Variants in LRIG1 observed in about 807,000 individuals in gnomAD.
LRIG1 encodes the protein leucine rich repeats and immunoglobulin like domains 1, also known as leucine-rich repeats and immunoglobulin-like domains protein 1.
A neutral mutation model predicts 99.2 loss-of-function variants in LRIG1; 48 were observed. The observed-to-expected ratio is 0.48, with a 90% confidence interval of 0.38 to 0.62. The LOEUF (loss-of-function observed/expected upper bound fraction) is 0.62. Ranked by LOEUF, LRIG1 falls within the 20% of genes least tolerant of loss-of-function variation. The probability of loss-of-function intolerance (pLI) is 0.00; values close to 1 mark genes in which losing one functional copy is unlikely to be tolerated. For synonymous variants in LRIG1, 772 were observed against 596.1 expected, an observed-to-expected ratio of 1.29 and a Z score of -4.30; for missense variants, 1,646 against 1,434.4, an observed-to-expected ratio of 1.15 and a Z score of -2.38.
At chr3:66,419,107 CA>C (rs1702717049) in intron 3 of LRIG1, among the ~76,000 whole-genome samples, 1 of 152,190 alleles carries the variant, frequency 6.6e-6, no homozygotes, top group Admixed American at 6.5e-5. Context: ...AATGTGGTAT[CA>C]GGGCGCCAGG....
intron 3 of LRIG1, among the ~76,000 whole-genome samples, chr3:66,446,469 G>C (rs189656520): frequency 1.4e-5 from 2 of 147,814 alleles, no homozygotes; most frequent in Admixed American, 1.4e-4. Flanking sequence ...GCAATGGTGC[G>C]ATCTTAGCTC....
chr3:66,380,496 G>A lies in LRIG1; in HGVS notation c.3056-7C>T, dbSNP rs1374752189. On this transcript the variant is annotated splice_region_variant and splice_polypyrimidine_tract_variant and intron_variant, in intron 18 of 18. Coordinates refer to ENST00000273261, the MANE Select transcript of LRIG1 (RefSeq NM_015541.3). ...AAAGTCCAGGAAGAATCCCCTACAA[G>A]GAAAGAACGAACCTGTCAGACCCCC... The A allele has an allele frequency of 6.2e-7, 1 of 1,614,156 alleles. No individual in the cohort carries two copies. Among genetic ancestry groups the A allele is most frequent in the Non-Finnish European group, 8.5e-7 (1 of 1,179,986 alleles).
At chr3:66,463,044 G>A (rs1007668255) in intron 1 of LRIG1, among the ~76,000 whole-genome samples, 3 of 152,148 alleles carry the variant, frequency 2.0e-5, no homozygotes, top group Non-Finnish European at 2.9e-5. Context: ...GCAGGGAGTG[G>A]GGGGTGTTAC....
chr3:66,460,089 C>T (rs1332457308), intron 2 of LRIG1, among the ~76,000 whole-genome samples: 1 of 151,972 alleles, frequency 6.6e-6, no homozygotes, highest in Non-Finnish European at 1.5e-5. Flanking sequence ...GTGTTGGGTG[C>T]CTCACTTGCC....
intron 1 of LRIG1, among the ~76,000 whole-genome samples, chr3:66,479,376 C>G (rs1205552938): frequency 6.6e-6 from 1 of 152,220 alleles, no homozygotes; most frequent in Non-Finnish European, 1.5e-5. Flanking sequence ...GCAAGGAAAA[C>G]CACTGCTCTT....
chr3:66,399,343 C>G (rs559928816), intron 9 of LRIG1, among the ~76,000 whole-genome samples: 2 of 152,326 alleles, frequency 1.3e-5, no homozygotes, highest in East Asian at 3.9e-4. Flanking sequence ...CAGAAATCAC[C>G]TTGTCTGGCC....
At chr3:66,382,890 T>C in intron 15 of LRIG1, 92 bp downstream of exon 15, 1 of 1,234,290 alleles carries the variant, frequency 8.1e-7, no homozygotes, top group Non-Finnish European at 1.1e-6. Flanking sequence ...CACAGTGCAA[T>C]TCTTTCAAAA....
chr3:66,383,337 G>C lies in LRIG1; in HGVS notation c.2136C>G (p.Leu712=). 2 of 1,596,512 alleles carry C rather than the reference G, an allele frequency of 1.3e-6. No individual in the cohort carries two copies. Among genetic ancestry groups the C allele is most frequent in the Non-Finnish European group, 8.6e-7 (1 of 1,167,066 alleles). ...RVVSVGETVA[L]QCKATGNPPP... ...GAGGGTTCCCCGTGGCTTTGCATTG[G>C]AGGGCCACTGTTTCTCCCACAGATA... Residue 712 remains leucine, a synonymous_variant, in exon 15 of 19, where the codon CTC becomes CTG. Coordinates refer to ENST00000273261, the MANE Select transcript of LRIG1 (RefSeq NM_015541.3).
chr3:66,406,260 C>G (rs1702265777), intron 8 of LRIG1: 1 of 985,282 alleles, frequency 1.0e-6, no homozygotes, highest in African/African-American at 1.7e-5. Context: ...TGGGTTCCTT[C>G]CTATCATCTG....
intron 8 of LRIG1, chr3:66,406,409 G>A (rs1702270688): frequency 1.0e-6 from 1 of 985,294 alleles, no homozygotes; most frequent in Non-Finnish European, 1.2e-6. Flanking sequence ...TGTTATTTGG[G>A]CCTTGTATGG....
chr3:66,402,242 G>T (rs996567066), intron 9 of LRIG1, among the ~76,000 whole-genome samples: 7 of 152,048 alleles, frequency 4.6e-5, no homozygotes, highest in African/African-American at 1.7e-4. Flanking sequence ...TCCCTCCCGC[G>T]TACTGACTCT....
chr3:66,442,976 A>G (rs73083564), intron 3 of LRIG1, among the ~76,000 whole-genome samples: 1 of 152,072 alleles, frequency 6.6e-6, no homozygotes, highest in Non-Finnish European at 1.5e-5. Flanking sequence ...GAAAGGAGAA[A>G]AAAGGAAAGA....
chr3:66,384,926 GTCTT>G (rs1280532805), intron 13 of LRIG1, among the ~76,000 whole-genome samples: 2 of 152,172 alleles, frequency 1.3e-5, no homozygotes, highest in Non-Finnish European at 2.9e-5. Context: ...AAACAGCTGA[GTCTT>G]TCGGAAGCTG....
intron 7 of LRIG1, among the ~76,000 whole-genome samples, chr3:66,409,366 C>G (rs1316237157): frequency 6.6e-6 from 1 of 152,238 alleles, no homozygotes; most frequent in Admixed American, 6.5e-5. Flanking sequence ...TAACCCCACC[C>G]TGACATGATG....
At chr3:66,486,760 C>T (rs2106911548) in intron 1 of LRIG1, among the ~76,000 whole-genome samples, 1 of 152,326 alleles carries the variant, frequency 6.6e-6, no homozygotes, top group Middle Eastern at 3.4e-3. Context: ...GCCAATTTCA[C>T]CTCAATGCTA....
chr3:66,452,555 CA>C (rs1442244312), intron 2 of LRIG1, among the ~76,000 whole-genome samples: 2 of 152,168 alleles, frequency 1.3e-5, no homozygotes, highest in Non-Finnish European at 2.9e-5. Context: ...ACTTGCGATG[CA>C]AAGTCAAGGG....
At chr3:66,493,972 GAA>G (rs1195477715) in intron 1 of LRIG1, among the ~76,000 whole-genome samples, 2 of 141,602 alleles carry the variant, frequency 1.4e-5, no homozygotes, top group African/African-American at 2.5e-5. Context: ...AAAAAGAAAA[GAA>G]AGAGAAAAAG....
intron 6 of LRIG1, 33 bp from the exon 7 acceptor site, chr3:66,410,305 A>C: frequency 2.5e-6 from 4 of 1,571,290 alleles, no homozygotes; most frequent in Non-Finnish European, 3.5e-6. Flanking sequence ...GATGAAGAGG[A>C]GCTTTCACTC....
At chr3:66,417,546 C>T (rs1702651459) in intron 3 of LRIG1, 2 of 407,872 alleles carry the variant, frequency 4.9e-6, no homozygotes, top group African/African-American at 4.0e-5. Context: ...CCATGTGAGA[C>T]CAGCATGACC....
Sources: gnomAD v4.1 joint callset for allele counts (sites outside exome capture counted in the v4.1 genomes callset) on GRCh38, gnomAD v4.1.1 for gene constraint, MANE v1.5 for transcripts, NCBI Gene and HGNC (gene_info 2026-07-23, HGNC 2026-07-21) for gene names.